Variants in PCDHA10 observed in about 807,000 individuals in gnomAD.
PCDHA10 encodes protocadherin alpha 10.
In PCDHA10, 45 loss-of-function variants were observed where a neutral mutation model predicts 61.2. The ratio of observed to expected loss-of-function variants is 0.74; its 90% confidence interval spans 0.58 to 0.94. The LOEUF (loss-of-function observed/expected upper bound fraction) is 0.94. PCDHA10 is among the 40% of genes least tolerant of loss of function. PCDHA10 has a pLI of 0.00. For missense variants in PCDHA10, 1,278 were observed against 1,236.2 expected (o/e 1.03, Z -0.51); for synonymous variants, 602 against 548.8 (o/e 1.10, Z -1.35).
intron 1 of PCDHA10, among the ~76,000 whole-genome samples, chr5:140,897,559 G>A (rs1554187454): frequency 6.6e-6 from 1 of 152,026 alleles, no homozygotes; most frequent in African/African-American, 2.4e-5. Context: ...TGGTGTATAT[G>A]TGCCACATTT....
intron 1 of PCDHA10, among the ~76,000 whole-genome samples, chr5:140,955,497 A>T (rs879951352): frequency 2.0e-5 from 3 of 152,100 alleles, no homozygotes; most frequent in Non-Finnish European, 4.4e-5. Flanking sequence ...CCACCATGTG[A>T]AGAAAGACGT....
intron 1 of PCDHA10, among the ~76,000 whole-genome samples, chr5:140,897,369 T>C (rs183566624): frequency 0.013 from 1,702 of 128,706 alleles, 36 homozygotes; most frequent in African/African-American, 0.049. Flanking sequence ...GAGTGTGATG[T>C]TCCCTTCCCC....
At chr5:140,928,603 C>T in intron 1 of PCDHA10, 2 of 1,614,208 alleles carry the variant, frequency 1.2e-6, no homozygotes, top group Admixed American at 3.3e-5. Context: ...GGAAATTGTG[C>T]CCCGCTCTGC....
In PCDHA10 at chr5:140,871,470, G is replaced by A. The variant is rs782433204; in HGVS notation, c.2388+13034G>A. ...AAGAGGAGGAAGGGGAAAGACAGGAGCCAGGGTCAAATCACCCCGGACAGG... is the reference window on the plus strand; with the variant it reads ...AAGAGGAGGAAGGGGAAAGACAGGAACCAGGGTCAAATCACCCCGGACAGG... On this transcript the variant is annotated intron_variant, in intron 1 of 3. Coordinates refer to ENST00000307360, the MANE Select transcript of PCDHA10 (RefSeq NM_018901.4). The A allele has an allele frequency of 3.1e-6, 5 of 1,601,030 alleles. No individual in the cohort carries two copies. In the South Asian group the frequency reaches 4.5e-5, roughly 14 times the overall value.
In PCDHA10 at chr5:141,011,549, GA is replaced by G. The variant is rs2098421039; in HGVS notation, c.*1615del. Reference sequence around the variant, plus strand: ...CCATTGTTAATCAGCTTTTGTGTATGAAAGACACAGTAAAATTTCTTTCTTA... The same window carrying G: ...CCATTGTTAATCAGCTTTTGTGTATGAAGACACAGTAAAATTTCTTTCTTA... On this transcript the variant is annotated 3_prime_UTR_variant, in exon 4 of 4. Coordinates refer to ENST00000307360, the MANE Select transcript of PCDHA10 (RefSeq NM_018901.4). 1 of 153,674 alleles carries G rather than the reference GA, an allele frequency of 6.5e-6. No individual in the cohort carries two copies. Among genetic ancestry groups the G allele is most frequent in the Non-Finnish European group, 1.5e-5 (1 of 68,008 alleles). The allele number at this position is 153,674 out of a possible 1,614,324, so 9.5% of individuals were successfully genotyped here. A position where few individuals can be genotyped will look rare whatever the true frequency, so the allele number is the denominator to read the frequency against.
chr5:140,858,871 T>A (rs1000901337), intron 1 of PCDHA10: 6 of 248,826 alleles, frequency 2.4e-5, no homozygotes, highest in African/African-American at 1.2e-4. Context: ...TGAAAATGTG[T>A]TTTCCTCCAT....
rs1263474406 is a variant in PCDHA10, at chr5:140,967,341, A to G, written c.2389-11608A>G. ...ACCTACGAGCTCAGCCCCAGCGAGCACTTCGAGCTGGACCTTAAGCCCCTG... is the reference window on the plus strand; with the variant it reads ...ACCTACGAGCTCAGCCCCAGCGAGCGCTTCGAGCTGGACCTTAAGCCCCTG... On this transcript the variant is annotated intron_variant, in intron 1 of 3. Coordinates refer to ENST00000307360, the MANE Select transcript of PCDHA10 (RefSeq NM_018901.4). 3 of 1,607,922 alleles carry G rather than the reference A, an allele frequency of 1.9e-6. No homozygotes were observed. The highest frequency in any genetic ancestry group is 1.3e-5 in the African/African-American group (1 of 74,782).
rs782026939 is a variant in PCDHA10, at chr5:140,883,016, A to T, written c.2388+24580A>T. 6.8e-6 allele frequency: 11 copies of T among 1,614,158 alleles called. No individual in the cohort carries two copies. The Admixed American group carries it at 1.7e-4, about 24-fold the overall frequency. On this transcript the variant is annotated intron_variant, in intron 1 of 3. Coordinates refer to ENST00000307360, the MANE Select transcript of PCDHA10 (RefSeq NM_018901.4). ...ATTTTACCAATCCGTTTATAAAGTG[A>T]CGGTGTTAGAGAACGCCTTCAATGG...
intron 3 of PCDHA10, among the ~76,000 whole-genome samples, chr5:141,008,031 T>C (rs566619568): frequency 1.3e-5 from 2 of 152,336 alleles, no homozygotes; most frequent in Admixed American, 6.5e-5. Flanking sequence ...TTCTTGTTAA[T>C]CTGCCTTTTG....
At chr5:140,932,810 A>G (rs925757508) in intron 1 of PCDHA10, among the ~76,000 whole-genome samples, 1 of 151,958 alleles carries the variant, frequency 6.6e-6, no homozygotes, top group Non-Finnish European at 1.5e-5. Flanking sequence ...CCTTGGAAAC[A>G]TATAAGTGGG....
chr5:140,997,123 A>T (rs1409528818), intron 3 of PCDHA10, among the ~76,000 whole-genome samples: 1 of 152,070 alleles, frequency 6.6e-6, no homozygotes, highest in African/African-American at 2.4e-5. Flanking sequence ...TCCCACATAC[A>T]CAATGCCCCC....
intron 1 of PCDHA10, among the ~76,000 whole-genome samples, chr5:140,890,783 A>G (rs150043569): frequency 1.3e-5 from 2 of 152,302 alleles, no homozygotes; most frequent in African/African-American, 4.8e-5. Context: ...CCCATAAGAT[A>G]TTAGTATTAT....
chr5:140,906,718 G>C (rs1554192673), intron 1 of PCDHA10, among the ~76,000 whole-genome samples: 1 of 152,140 alleles, frequency 6.6e-6, no homozygotes, highest in Admixed American at 6.5e-5. Flanking sequence ...TGCCTGGATT[G>C]TGCTGTTGTA....
chr5:140,869,509 A>G (rs199564677), intron 1 of PCDHA10: 13 of 1,614,206 alleles, frequency 8.1e-6, no homozygotes, highest in Middle Eastern at 1.6e-4. Context: ...GTTCTCGCTC[A>G]GAGAACAAAA....
chr5:140,869,371 A>G (rs559164668), intron 1 of PCDHA10: 1 of 1,614,110 alleles, frequency 6.2e-7, no homozygotes, highest in East Asian at 2.2e-5. Flanking sequence ...GAATTCTCGG[A>G]TCGACCGCGA....
chr5:140,892,304 G>A (rs1301333753), intron 1 of PCDHA10, among the ~76,000 whole-genome samples: 1 of 152,004 alleles, frequency 6.6e-6, no homozygotes, highest in East Asian at 1.9e-4. Context: ...AAATAATTTG[G>A]GGCTTATAAC....
rs2044151456 is a variant in PCDHA10, at chr5:140,856,691, G to A, written c.643G>A (p.Asp215Asn). The stretch of plus-strand genomic sequence containing the variant: ...GCTAAAGTTGTTGTTGACAGCAACT[G>A]ATGGAGGCAAACCTGAATTTACCGG... ...PQLKLLLTATDGGKPEFTGSV... is the reference protein window; with the variant it reads ...PQLKLLLTATNGGKPEFTGSV... The change falls in exon 1 of 4, where the codon GAT becomes AAT. Residue 215 changes from aspartate (D) to asparagine (N), a missense_variant. Coordinates refer to ENST00000307360, the MANE Select transcript of PCDHA10 (RefSeq NM_018901.4). 6.3e-7 allele frequency: 1 copy of A among 1,596,420 alleles called. No individual in the cohort carries two copies. The highest frequency in any genetic ancestry group is 1.3e-5 in the African/African-American group (1 of 74,296).
intron 1 of PCDHA10, among the ~76,000 whole-genome samples, chr5:140,920,357 A>G (rs782419559): frequency 5.3e-5 from 8 of 151,994 alleles, no homozygotes; most frequent in Non-Finnish European, 8.8e-5. Context: ...TGCTAGTTCT[A>G]TTCATTTATT....
At chr5:140,921,277 A>G (rs1554200163) in intron 1 of PCDHA10, among the ~76,000 whole-genome samples, 1 of 152,210 alleles carries the variant, frequency 6.6e-6, no homozygotes, top group Non-Finnish European at 1.5e-5. Flanking sequence ...ACTTACTTGA[A>G]AAAAACCTCA....
Sources: allele counts gnomAD v4.1 joint callset (sites outside exome capture counted in the v4.1 genomes callset), GRCh38; gene constraint gnomAD v4.1.1; transcripts MANE v1.5; gene names NCBI Gene and HGNC (gene_info 2026-07-23, HGNC 2026-07-21).